Variants in PSMB3 observed in about 807,000 individuals in gnomAD.
PSMB3 encodes the protein proteasome subunit beta type-3.
A neutral mutation model predicts 23.3 loss-of-function variants in PSMB3; 5 were observed. The ratio of observed to expected loss-of-function variants is 0.21; its 90% CI spans 0.11 to 0.45. The LOEUF is 0.45. Among genes scored for constraint, PSMB3 ranks in the 20% least tolerant of loss-of-function variants. The pLI is 0.99. For missense variants in PSMB3, 192 were observed against 277.9 expected, an observed-to-expected ratio of 0.69 and a Z score of 2.20; for synonymous variants, 85 against 99.8, an observed-to-expected ratio of 0.85 and a Z score of 0.88.
chr17:38,753,993 C>T (rs751690212), intron 2 of PSMB3, among the ~76,000 whole-genome samples: 2 of 151,878 alleles, frequency 1.3e-5, no homozygotes, highest in Non-Finnish European at 2.9e-5. Flanking sequence ...CAGTGAGGGG[C>T]GAAGAGAAGC....
intron 3 of PSMB3, among the ~76,000 whole-genome samples, chr17:38,756,799 CTTTT>C (rs1016779412): frequency 6.6e-6 from 1 of 150,620 alleles, no homozygotes; most frequent in Admixed American, 6.6e-5. Flanking sequence ...GGCCTGATCT[CTTTT>C]TTTTTCTTTT....
Position 38,752,821 on chromosome 17 carries a change from G to A in PSMB3, c.-6G>A. The A allele has an allele frequency of 6.2e-7, 1 of 1,614,070 alleles. No homozygotes were observed. Among genetic ancestry groups the A allele is most frequent in the South Asian group, 1.1e-5 (1 of 91,076 alleles). On this transcript the variant is annotated 5_prime_UTR_variant, in exon 1 of 6. Coordinates refer to ENST00000619426, the MANE Select transcript of PSMB3 (RefSeq NM_002795.4). This position sits in a 1 kb window ranked among gnomAD's most constrained non-coding sequence, Gnocchi z 5.5. Reference sequence around the variant, plus strand: ...GGCGATCGAGGGATCCTAGTACACCGCAATCATGGTGAGATGGGGAGTTAA... The same window carrying A: ...GGCGATCGAGGGATCCTAGTACACCACAATCATGGTGAGATGGGGAGTTAA...
At chr17:38,753,013 C>A in intron 1 of PSMB3, 137 bp from the exon 2 acceptor site, 1 of 1,252,508 alleles carries the variant, frequency 8.0e-7, no homozygotes, top group Non-Finnish European at 1.1e-6. Flanking sequence ...CAGTGCTCAT[C>A]CCAGCTGGAG....
At position 38,763,476 on chromosome 17, in the gene PSMB3, G is replaced by A. The variant is rs1567646788; in HGVS notation, c.570-643G>A. Among the ~76,000 whole-genome samples the A allele has an allele frequency of 4.0e-5, 6 of 150,096 alleles. No individual in the cohort carries two copies. In the South Asian group the frequency reaches 1.1e-3, roughly 26 times the overall value. On this transcript the variant is annotated intron_variant, in intron 5 of 5. Coordinates refer to ENST00000619426, the MANE Select transcript of PSMB3 (RefSeq NM_002795.4). ...CCTTCCTAAGTGGCTTGTTCTCTAG[G>A]CTTGGAGGAGCTTCTTCCCCCTTTT...
intron 5 of PSMB3, among the ~76,000 whole-genome samples, chr17:38,763,498 T>C (rs927552396): frequency 4.8e-4 from 2 of 4,160 alleles, no homozygotes; most frequent in African/African-American, 1.9e-3. Context: ...TTCTTCCCCC[T>C]TTTTTTTTTT....
At position 38,752,855 on chromosome 17, in the gene PSMB3, G is replaced by C; in HGVS notation, c.3+26G>C. On this transcript the variant is annotated intron_variant, in intron 1 of 5. Transcript: ENST00000619426. This position sits in a 1 kb window ranked among gnomAD's most constrained non-coding sequence, Gnocchi z 5.5. Reference sequence around the variant, plus strand: ...GTGAGATGGGGAGTTAAAGCAAAGGGGCATGGGGAAGGATTGAGAAGCGGA... The same window carrying C: ...GTGAGATGGGGAGTTAAAGCAAAGGCGCATGGGGAAGGATTGAGAAGCGGA... 1 of 1,613,906 alleles carries C rather than the reference G, an allele frequency of 6.2e-7. No homozygotes were observed. Among genetic ancestry groups the C allele is most frequent in the Non-Finnish European group, 8.5e-7 (1 of 1,179,972 alleles).
chr17:38,756,879 T>A (rs1258055047), intron 3 of PSMB3, among the ~76,000 whole-genome samples: 2 of 150,980 alleles, frequency 1.3e-5, no homozygotes, highest in Non-Finnish European at 2.9e-5. Flanking sequence ...TTTCAAAAAC[T>A]TTTTCTTTTT....
Position 38,756,503 on chromosome 17 carries a change from CT to C in PSMB3, c.296+523del, listed in dbSNP as rs540442601. ...AGAATATAAGTTGAGCTCTCTTTTT[CT>C]TTTTTTTTTGAGACGGAGTCTTGCT... On this transcript the variant is annotated intron_variant, in intron 3 of 5. Coordinates refer to ENST00000619426, the MANE Select transcript of PSMB3 (RefSeq NM_002795.4). Among the ~76,000 whole-genome samples the C allele has an allele frequency of 4.7e-5, 7 of 149,162 alleles. No individual in the cohort carries two copies. In the South Asian group the frequency reaches 6.4e-4, roughly 14 times the overall value.
At chr17:38,753,427 C>A in intron 2 of PSMB3, 93 bp downstream of exon 2, 1 of 1,305,732 alleles carries the variant, frequency 7.7e-7, no homozygotes, top group South Asian at 1.4e-5. Context: ...TCATCTACCA[C>A]ACACCACCAG....
intron 2 of PSMB3, 140 bp downstream of exon 2, chr17:38,753,474 C>A: frequency 1.2e-6 from 1 of 846,358 alleles, no homozygotes; most frequent in Non-Finnish European, 1.8e-6. Context: ...AAAACATGTC[C>A]TTCCCTTTCT....
chr17:38,756,067 G>C lies in PSMB3; in HGVS notation c.296+77G>C. On this transcript the variant is annotated intron_variant, in intron 3 of 5. Coordinates refer to ENST00000619426, the MANE Select transcript of PSMB3 (RefSeq NM_002795.4). The stretch of plus-strand genomic sequence containing the variant: ...GTATGGAGTAGGTACTGAGGAAGAG[G>C]ACTCTCCTTGTTTTTCCATCTCTTA... 1.7e-6 allele frequency: 2 copies of C among 1,172,324 alleles called. 1 individual carries two copies. The highest frequency in any genetic ancestry group is 2.6e-5 in the South Asian group (2 of 77,916). The allele number at this position is 1,172,324 out of a possible 1,614,324, so 72.6% of individuals were successfully genotyped here.
chr17:38,763,084 C>T (rs1364289559), intron 5 of PSMB3, among the ~76,000 whole-genome samples: 4 of 152,188 alleles, frequency 2.6e-5, no homozygotes, highest in South Asian at 2.1e-4. Flanking sequence ...TGGCCAGGCG[C>T]GTTGGCTCAC....
intron 3 of PSMB3, among the ~76,000 whole-genome samples, chr17:38,758,044 CT>C (rs1324316311): frequency 1.3e-5 from 2 of 152,144 alleles, no homozygotes; most frequent in Admixed American, 6.5e-5. Flanking sequence ...TGTGTTTGAA[CT>C]TCCTATTATG....
chr17:38,763,711 C>CA (rs879861592), intron 5 of PSMB3, among the ~76,000 whole-genome samples: 1 of 152,000 alleles, frequency 6.6e-6, no homozygotes, highest in Non-Finnish European at 1.5e-5. Flanking sequence ...CCATGTTGGT[C>CA]AGGCTGGTCT....
intron 3 of PSMB3, among the ~76,000 whole-genome samples, chr17:38,758,315 ATTTAT>A (rs1418399683): frequency 6.6e-6 from 1 of 151,842 alleles, no homozygotes; most frequent in Non-Finnish European, 1.5e-5. Context: ...AGAGTAAGAC[ATTTAT>A]TTTATTATTT....
At chr17:38,753,059 G>T in intron 1 of PSMB3, 91 bp from the exon 2 acceptor site, 1 of 1,385,684 alleles carries the variant, frequency 7.2e-7, no homozygotes, top group Non-Finnish European at 9.8e-7. Context: ...ATGGAGAACG[G>T]GCGTACAGGA....
At chr17:38,759,579 C>T (rs1207551450) in intron 3 of PSMB3, among the ~76,000 whole-genome samples, 1 of 150,132 alleles carries the variant, frequency 6.7e-6, no homozygotes, top group Non-Finnish European at 1.5e-5. Flanking sequence ...GAGTCTCGCT[C>T]TGTCGCTCAG....
Position 38,752,948 on chromosome 17 carries a change from G to T in PSMB3, c.3+119G>T. ...ATGGAAGGAAGCGGTTTCAGTTCGA[G>T]GGGAGCGGGCCCCGGTGAGGACCAA... On this transcript the variant is annotated intron_variant, in intron 1 of 5. Transcript: ENST00000619426. This position sits in a 1 kb window ranked among gnomAD's most constrained non-coding sequence, Gnocchi z 5.5. The T allele has an allele frequency of 6.8e-7, 1 of 1,461,288 alleles. No individual in the cohort carries two copies. The allele number at this position is 1,461,288 out of a possible 1,614,324, so 90.5% of individuals were successfully genotyped here.
intron 4 of PSMB3, among the ~76,000 whole-genome samples, chr17:38,761,619 G>A (rs1245666945): frequency 1.3e-5 from 2 of 152,144 alleles, no homozygotes; most frequent in Non-Finnish European, 2.9e-5. Context: ...TGGGGGCAAA[G>A]GTACAGGAAG....
Sources: gnomAD v4.1 joint callset for allele counts (sites outside exome capture counted in the v4.1 genomes callset) on GRCh38, gnomAD v4.1.1 for gene constraint, Gnocchi (gnomAD v3.1) non-coding constraint, MANE v1.5 for transcripts, NCBI Gene and HGNC (gene_info 2026-07-23, HGNC 2026-07-21) for gene names.